GRAMD4: variants seen among roughly 807,000 people sequenced by gnomAD.
GRAMD4 encodes GRAM domain containing 4.
In GRAMD4, 25 loss-of-function variants were observed where a neutral mutation model predicts 83.9. That is an observed-to-expected ratio of 0.30 (90% CI 0.22 to 0.42). The LOEUF (loss-of-function observed/expected upper bound fraction) is 0.42. Ranked by LOEUF, GRAMD4 falls within the 10% of genes least tolerant of loss-of-function variation. The pLI is 1.00. For synonymous variants in GRAMD4, 336 were observed against 320.9 expected (o/e 1.05, Z -0.50); for missense variants, 593 against 788.7 (o/e 0.75, Z 2.97).
chr22:46,604,845 T>C (rs2081350305), intron 1 of GRAMD4, among the ~76,000 whole-genome samples: 1 of 144,274 alleles, frequency 6.9e-6, no homozygotes, highest in African/African-American at 2.6e-5. Flanking sequence ...CACCCAGGTT[T>C]TGGTGCCATA....
At chr22:46,576,722 T>C (rs1230775144), upstream of GRAMD4, among the ~76,000 whole-genome samples, 1 of 152,088 alleles carries the variant, frequency 6.6e-6, no homozygotes, top group South Asian at 2.1e-4. Context: ...GGCAGCCCAG[T>C]CCCTGACCCA....
At chr22:46,582,619 C>T (rs748388845) in intron 1 of GRAMD4, among the ~76,000 whole-genome samples, 2 of 152,114 alleles carry the variant, frequency 1.3e-5, no homozygotes, top group Non-Finnish European at 2.9e-5. Flanking sequence ...GACCCTGGCT[C>T]GGGTCTGAGC....
At chr22:46,627,036 C>A in intron 2 of GRAMD4, 75 bp downstream of exon 2, 1 of 1,057,378 alleles carries the variant, frequency 9.5e-7, no homozygotes, top group Non-Finnish European at 1.5e-6. Flanking sequence ...CAAGCGTGGA[C>A]TCAGGCAGAT....
chr22:46,577,396 CCCG>C (rs56801793), intron 1 of GRAMD4: 87 of 297,768 alleles, frequency 2.9e-4, no homozygotes, highest in Non-Finnish European at 3.9e-4. Flanking sequence ...CCGCGCTCTC[CCCG>C]CCGCCGCCGC....
upstream of GRAMD4, among the ~76,000 whole-genome samples, chr22:46,619,491 A>G (rs1255772889): frequency 6.6e-6 from 1 of 152,136 alleles, no homozygotes. Flanking sequence ...GGCACGTACC[A>G]CCACGCTGGC....
At chr22:46,675,783 G>C (rs2082588590) in intron 17 of GRAMD4, among the ~76,000 whole-genome samples, 1 of 152,184 alleles carries the variant, frequency 6.6e-6, no homozygotes, top group Admixed American at 6.5e-5. Flanking sequence ...GGAGGGGCTG[G>C]GTTGGAGCCC....
rs546875308 is a variant in GRAMD4 at position 46,679,201 on chromosome 22, G to A, written c.*1950G>A. 1,538 of 982,268 alleles carry A rather than the reference G, an allele frequency of 1.6e-3. 3 individuals are homozygous for A. Among genetic ancestry groups the A allele is most frequent in the East Asian group, 2.0e-3 (18 of 8,816 alleles). 60.8% of individuals were successfully genotyped at this position (982,268 alleles called of 1,614,324 possible). Reference sequence around the variant, plus strand: ...GTCCGGGGCCTCGGGGCCAATGAGCGCCTCTTCCTAGGTGCTGGGATTCAG... The same window carrying A: ...GTCCGGGGCCTCGGGGCCAATGAGCACCTCTTCCTAGGTGCTGGGATTCAG... On this transcript the variant is annotated 3_prime_UTR_variant, in exon 19 of 19. Coordinates refer to ENST00000406902, the MANE Select transcript of GRAMD4 (RefSeq NM_015124.5).
At chr22:46,639,163 T>TGC (rs1430034791) in intron 3 of GRAMD4, among the ~76,000 whole-genome samples, 1 of 151,502 alleles carries the variant, frequency 6.6e-6, no homozygotes, top group Admixed American at 6.6e-5. Flanking sequence ...AGTGTGTGTG[T>TGC]GTGTGTGTGT....
downstream of GRAMD4, among the ~76,000 whole-genome samples, chr22:46,680,799 CACCT>C (rs2082664718): frequency 1.1e-5 from 1 of 93,888 alleles, no homozygotes; most frequent in African/African-American, 5.5e-5. Context: ...CCTATCCATT[CACCT>C]ACCCATCCAT....
chr22:46,679,821 C>T (rs1029347208), downstream of GRAMD4: 10 of 982,718 alleles, frequency 1.0e-5, no homozygotes, highest in African/African-American at 8.7e-5. Context: ...CAGGGCCACA[C>T]GCATTGTAGG....
intron 1 of GRAMD4, among the ~76,000 whole-genome samples, chr22:46,603,971 G>A (rs1297207193): frequency 1.3e-5 from 2 of 152,170 alleles, no homozygotes; most frequent in Non-Finnish European, 2.9e-5. Context: ...ATTTTGGGAA[G>A]GTGTGAGGTG....
intron 2 of GRAMD4, among the ~76,000 whole-genome samples, chr22:46,631,164 C>A (rs1305601752): frequency 6.6e-6 from 1 of 152,258 alleles, no homozygotes; most frequent in Non-Finnish European, 1.5e-5. Context: ...ATACACAGAG[C>A]ATTGAATGTA....
chr22:46,682,532 G>A (rs1385745372), downstream of GRAMD4: 2 of 682,438 alleles, frequency 2.9e-6, no homozygotes, highest in African/African-American at 1.9e-5. Flanking sequence ...GGACTGCGAC[G>A]AGGGCGCCCG....
At chr22:46,598,552 AT>A (rs1450650635) in intron 1 of GRAMD4, among the ~76,000 whole-genome samples, 28 of 150,056 alleles carry the variant, frequency 1.9e-4, no homozygotes, top group Admixed American at 1.8e-3. Context: ...TACCGGCTTG[AT>A]TTGCTGTGAT....
intron 1 of GRAMD4, among the ~76,000 whole-genome samples, chr22:46,580,436 A>G (rs1486358030): frequency 6.6e-6 from 1 of 152,236 alleles, no homozygotes; most frequent in African/African-American, 2.4e-5. Flanking sequence ...GTAAAGGAGT[A>G]AAAGTTCAAG....
intron 3 of GRAMD4, among the ~76,000 whole-genome samples, chr22:46,649,914 G>A (rs181514520): frequency 1.3e-5 from 2 of 152,364 alleles, no homozygotes; most frequent in Admixed American, 1.3e-4. Flanking sequence ...GGGCTCTGCA[G>A]TGTAACTTGC....
intron 1 of GRAMD4, among the ~76,000 whole-genome samples, chr22:46,590,759 AGTT>A (rs1314405797): frequency 5.3e-5 from 8 of 152,230 alleles, no homozygotes; most frequent in Admixed American, 5.2e-4. Context: ...GGACACTACT[AGTT>A]TATAAAAACA....
intron 1 of GRAMD4, among the ~76,000 whole-genome samples, chr22:46,601,353 G>C (rs1490831883): frequency 6.6e-6 from 1 of 152,064 alleles, no homozygotes; most frequent in Non-Finnish European, 1.5e-5. Flanking sequence ...CGACCTTGTG[G>C]GTCCTCAGAA....
Position 46,677,323 on chromosome 22 carries a change from G to C in GRAMD4, c.*72G>C, listed in dbSNP as rs1378463214. The C allele has an allele frequency of 6.7e-7, 1 of 1,494,206 alleles. No homozygotes were observed. The highest frequency in any genetic ancestry group is 2.4e-5 in the East Asian group (1 of 40,902). The allele number at this position is 1,494,206 out of a possible 1,614,324, so 92.6% of individuals were successfully genotyped here. On this transcript the variant is annotated 3_prime_UTR_variant, in exon 19 of 19. Coordinates refer to ENST00000406902, the MANE Select transcript of GRAMD4 (RefSeq NM_015124.5). ...TTTTCTTTTTTTTTTTTTACGATTT[G>C]GTAGTGGAAACAATTGGACATCCTC...
Sources: allele counts gnomAD v4.1 joint callset (sites outside exome capture counted in the v4.1 genomes callset), GRCh38; gene constraint gnomAD v4.1.1; transcripts MANE v1.5; gene names NCBI Gene and HGNC (gene_info 2026-07-23, HGNC 2026-07-21).